SLC24A2: variants seen among roughly 807,000 people sequenced by gnomAD.
SLC24A2 encodes the protein solute carrier family 24 member 2, also known as sodium/potassium/calcium exchanger 2.
Under a neutral mutation model 62.0 loss-of-function variants are expected in SLC24A2, and 36 were observed. The observed-to-expected ratio is 0.58, with a 90% CI of 0.44 to 0.77. The LOEUF is 0.77. Ranked by LOEUF, SLC24A2 falls within the 30% of genes least tolerant of loss-of-function variation. The pLI is 0.00. For synonymous variants in SLC24A2, 358 were observed against 294.0 expected (o/e 1.22, Z -2.23); for missense variants, 846 against 817.9 (o/e 1.03, Z -0.42).
chr9:20,286,369 G>C, the SLC24A2 span, among the ~76,000 whole-genome samples: 1 of 152,222 alleles, frequency 6.6e-6, no homozygotes, highest in Non-Finnish European at 1.5e-5. Flanking sequence ...AGCTTCTGCT[G>C]TTTAGCTATC....
chr9:19,537,306 G>A (rs1208735733), intron 8 of SLC24A2, among the ~76,000 whole-genome samples: 77 of 131,154 alleles, frequency 5.9e-4, no homozygotes, highest in African/African-American at 2.1e-3. Context: ...GTAATGCCTA[G>A]GTTTTCTTCT....
chr9:19,996,749 A>G, the SLC24A2 span, among the ~76,000 whole-genome samples: 2 of 150,676 alleles, frequency 1.3e-5, no homozygotes, highest in South Asian at 4.2e-4. Context: ...CCGTCTCAAA[A>G]AAAAAAAAAA....
chr9:19,896,496 C>T, the SLC24A2 span, among the ~76,000 whole-genome samples: 1 of 152,216 alleles, frequency 6.6e-6, no homozygotes, highest in Non-Finnish European at 1.5e-5. Context: ...CTCCAGCATA[C>T]ATAACAGTTA....
intron 7 of SLC24A2, among the ~76,000 whole-genome samples, chr9:19,572,500 G>T (rs567329184): frequency 3.9e-5 from 6 of 152,170 alleles, no homozygotes; most frequent in African/African-American, 1.4e-4. Context: ...CTGGCTGCTT[G>T]AAAGTGTATG....
the SLC24A2 span, among the ~76,000 whole-genome samples, chr9:19,892,313 T>C: frequency 1.4e-4 from 21 of 152,224 alleles, no homozygotes; most frequent in Admixed American, 1.2e-3. Flanking sequence ...ACATCCTATT[T>C]TGTTATTTTT....
chr9:20,152,645 T>C, the SLC24A2 span, among the ~76,000 whole-genome samples: 28 of 151,940 alleles, frequency 1.8e-4, 1 homozygote, highest in Admixed American at 5.3e-4. Flanking sequence ...GGGAGTGAAA[T>C]TGCCTTGAAA....
chr9:19,883,885 T>C, the SLC24A2 span, among the ~76,000 whole-genome samples: 2 of 152,218 alleles, frequency 1.3e-5, no homozygotes, highest in Non-Finnish European at 2.9e-5. Context: ...TGTTCTAATA[T>C]GTACCATATA....
At chr9:19,758,525 T>G (rs1214674948) in intron 2 of SLC24A2, among the ~76,000 whole-genome samples, 2 of 152,216 alleles carry the variant, frequency 1.3e-5, no homozygotes, top group Non-Finnish European at 2.9e-5. Context: ...AGTAGGTCTT[T>G]ACTTAAACAA....
the SLC24A2 span, among the ~76,000 whole-genome samples, chr9:20,093,656 T>C: frequency 6.6e-6 from 1 of 152,218 alleles, no homozygotes; most frequent in African/African-American, 2.4e-5. Flanking sequence ...TTTTTCTGTT[T>C]GGATGCTTAC....
At chr9:20,103,540 T>C in the SLC24A2 span, among the ~76,000 whole-genome samples, 1 of 152,182 alleles carries the variant, frequency 6.6e-6, no homozygotes, top group Non-Finnish European at 1.5e-5. Context: ...TCGTGGTTTA[T>C]GAAAATCCAC....
chr9:20,206,846 G>A, the SLC24A2 span, among the ~76,000 whole-genome samples: 1 of 145,002 alleles, frequency 6.9e-6, no homozygotes, highest in African/African-American at 2.6e-5. Context: ...AACAAAAACT[G>A]ATGATATATA....
At chr9:20,223,111 T>C in the SLC24A2 span, among the ~76,000 whole-genome samples, 39 of 152,120 alleles carry the variant, frequency 2.6e-4, no homozygotes, top group Admixed American at 9.2e-4. Context: ...AATAACCACA[T>C]GGAAATGTAA....
the SLC24A2 span, among the ~76,000 whole-genome samples, chr9:19,841,353 C>G: frequency 2.0e-5 from 3 of 152,166 alleles, no homozygotes; most frequent in African/African-American, 4.8e-5. Flanking sequence ...GGGCAAAGAC[C>G]TGAAGGAGAT....
chr9:19,877,312 G>A, the SLC24A2 span, among the ~76,000 whole-genome samples: 4 of 146,890 alleles, frequency 2.7e-5, no homozygotes, highest in South Asian at 6.8e-4. Context: ...AGACTATGGA[G>A]GTCCATAGTT....
At chr9:20,169,260 A>G in the SLC24A2 span, among the ~76,000 whole-genome samples, 1 of 151,924 alleles carries the variant, frequency 6.6e-6, no homozygotes, top group Admixed American at 6.6e-5. Context: ...TGGAGTATAG[A>G]TTTAAGAGGA....
At chr9:20,163,638 G>C in the SLC24A2 span, among the ~76,000 whole-genome samples, 1 of 152,124 alleles carries the variant, frequency 6.6e-6, no homozygotes, top group South Asian at 2.1e-4. Flanking sequence ...CTACTTTAAA[G>C]TTCATATGGA....
At chr9:19,913,956 T>A in the SLC24A2 span, among the ~76,000 whole-genome samples, 2 of 152,082 alleles carry the variant, frequency 1.3e-5, no homozygotes, top group Non-Finnish European at 2.9e-5. Context: ...TTCCTCACTA[T>A]GCCAGCTCCT....
chr9:19,777,733 A>C (rs1822886484), intron 2 of SLC24A2, among the ~76,000 whole-genome samples: 1 of 152,174 alleles, frequency 6.6e-6, no homozygotes, highest in African/African-American at 2.4e-5. Context: ...ATGCATGTGT[A>C]TATGTATGTG....
chr9:19,533,005 G>C (rs548057392), intron 8 of SLC24A2, among the ~76,000 whole-genome samples: 33 of 152,090 alleles, frequency 2.2e-4, no homozygotes, highest in African/African-American at 8.0e-4. Flanking sequence ...TTTTACTTTG[G>C]AAACAAAGCC....
Sources: gnomAD v4.1 joint callset for allele counts (sites outside exome capture counted in the v4.1 genomes callset) on GRCh38, gnomAD v4.1.1 for gene constraint, MANE v1.5 for transcripts, NCBI Gene and HGNC (gene_info 2026-07-23, HGNC 2026-07-21) for gene names.